STAT4: variants seen among roughly 807,000 people sequenced by gnomAD.
The protein encoded by STAT4 is signal transducer and activator of transcription 4.
In STAT4, 42 loss-of-function variants were observed where a neutral mutation model predicts 110.5. That is an observed-to-expected ratio of 0.38 (90% CI 0.30 to 0.49). STAT4 has a LOEUF of 0.49. STAT4 is among the 20% of genes least tolerant of loss of function. STAT4 has a pLI of 0.95. For synonymous variants in STAT4, 284 were observed against 302.2 expected (o/e 0.94, Z 0.63); for missense variants, 632 against 887.9 (o/e 0.71, Z 3.66).
chr2:191,029,960 A>G lies in STAT4; in HGVS notation c.2221-94T>C, dbSNP rs1695840166. On this transcript the variant is annotated intron_variant, in intron 23 of 23. Coordinates refer to ENST00000392320, the MANE Select transcript of STAT4 (RefSeq NM_003151.4). This position sits in a 1 kb window ranked among gnomAD's most constrained non-coding sequence, Gnocchi z 4.5. ...CAAATAAACGTCCTCTTTTCTACGA[A>G]TTACTCCATAATTTTTCTATTACCT... is the stretch of plus-strand genomic sequence containing the variant. 5.1e-6 allele frequency: 5 copies of G among 971,340 alleles called. No homozygotes were observed. Among genetic ancestry groups the G allele is most frequent in the Non-Finnish European group, 6.2e-6 (4 of 640,376 alleles). The allele number at this position is 971,340 out of a possible 1,614,324, so 60.2% of individuals were successfully genotyped here.
In STAT4 at chr2:191,081,824, T is replaced by A. The variant is rs1346190126; in HGVS notation, c.274-5499A>T. Among the ~76,000 whole-genome samples, 3 of 152,200 alleles carry A rather than the reference T, an allele frequency of 2.0e-5. No individual in the cohort carries two copies. In the East Asian group the frequency reaches 5.8e-4, roughly 29 times the overall value. On this transcript the variant is annotated intron_variant, in intron 3 of 23. Transcript: ENST00000392320. ...ATCCTGGACTCCTTGAAGTTCCATTTGTATTGGCAGTATGATTTTAAGTCT... is the reference window on the plus strand; with the variant it reads ...ATCCTGGACTCCTTGAAGTTCCATTAGTATTGGCAGTATGATTTTAAGTCT...
intron 3 of STAT4, among the ~76,000 whole-genome samples, chr2:191,134,416 C>A (rs776348194): frequency 2.6e-5 from 4 of 152,086 alleles, no homozygotes; most frequent in Non-Finnish European, 5.9e-5. Flanking sequence ...AACACTGGTG[C>A]CAGCATACTC....
In STAT4 at chr2:191,039,235, G is replaced by A. The variant is rs200929981; in HGVS notation, c.1398C>T (p.Ser466=). The change falls in exon 16 of 24, where the codon TCC becomes TCT. Residue 466 remains serine (S), a synonymous_variant. Coordinates refer to ENST00000392320, the MANE Select transcript of STAT4 (RefSeq NM_003151.4). The surrounding 1 kb of genome is among the most constrained non-coding windows in gnomAD (Gnocchi z 4.7). ...NVSQLPNAWA[S]IIWYNVSTND... Reference sequence around the variant, plus strand: ...TGGTTGACACGTTGTACCAAATGATGGATGCCCAAGCATTAGGTAACTGAC... The same window carrying A: ...TGGTTGACACGTTGTACCAAATGATAGATGCCCAAGCATTAGGTAACTGAC... The A allele has an allele frequency of 1.2e-6, 2 of 1,614,196 alleles. No homozygotes were observed. Among genetic ancestry groups the A allele is most frequent in the African/African-American group, 2.7e-5 (2 of 75,056 alleles).
intron 3 of STAT4, among the ~76,000 whole-genome samples, chr2:191,134,302 C>T (rs537754796): frequency 5.3e-5 from 8 of 152,318 alleles, no homozygotes; most frequent in African/African-American, 1.7e-4. Flanking sequence ...ATACTGCCTG[C>T]CCGGGGGTCC....
chr2:191,032,842 G>A lies in STAT4; in HGVS notation c.2044+116C>T. On this transcript the variant is annotated intron_variant, in intron 21 of 23. Coordinates refer to ENST00000392320, the MANE Select transcript of STAT4 (RefSeq NM_003151.4). This position sits in a 1 kb window ranked among gnomAD's most constrained non-coding sequence, Gnocchi z 4.9. ...AGGCTTTGACCTCCACATGCCCTTA[G>A]ATCTTACAGAAATCAGAGTAAACAA... The A allele has an allele frequency of 9.0e-7, 1 of 1,107,446 alleles. No homozygotes were observed. The highest frequency in any genetic ancestry group is 1.3e-6 in the Non-Finnish European group (1 of 781,320). The allele number at this position is 1,107,446 out of a possible 1,614,324, so 68.6% of individuals were successfully genotyped here.
chr2:191,142,957 C>A lies in STAT4; in HGVS notation c.273+3656G>T, dbSNP rs1025730805. 6.6e-6 allele frequency among the ~76,000 whole-genome samples: 1 copy of A among 152,046 alleles called. No individual in the cohort carries two copies. The highest frequency in any genetic ancestry group is 1.5e-5 in the Non-Finnish European group (1 of 68,000). On this transcript the variant is annotated intron_variant, in intron 3 of 23. Transcript: ENST00000392320. The surrounding 1 kb of genome is among the most constrained non-coding windows in gnomAD (Gnocchi z 4.1). ...AAATTATACAACACAAGGAGTGAAT[C>A]TTAATGTAGTCTTGAAATGTAAGTT...
In STAT4 at chr2:191,031,507, G is replaced by A; in HGVS notation, c.2054C>T (p.Pro685Leu). ...ATAACCTTTGTCACCCCTTTCTGTT[G>A]GTCTTGAAACTGGAAAACAAAAAGG... ...YSSQPCEVSR[P>L]TERGDKGYVP... Residue 685 changes from proline (P) to leucine (L), a missense_variant, in exon 22 of 24, where the codon CCA becomes CTA. This residue lies in a region of STAT4 where 38 missense variants were observed against 33.2 expected (regional missense o/e 1.15). Transcript: ENST00000392320. The surrounding 1 kb of genome is among the most constrained non-coding windows in gnomAD (Gnocchi z 4.8). 6.2e-7 allele frequency: 1 copy of A among 1,612,384 alleles called. No homozygotes were observed. Among genetic ancestry groups the A allele is most frequent in the Non-Finnish European group, 8.5e-7 (1 of 1,179,196 alleles).
At chr2:191,044,585 C>A (rs570605453) in intron 14 of STAT4, among the ~76,000 whole-genome samples, 1 of 152,040 alleles carries the variant, frequency 6.6e-6, no homozygotes, top group Non-Finnish European at 1.5e-5. Context: ...ATGAACCCAG[C>A]CAGGAGAAGG....
chr2:191,106,010 G>C (rs1264711196), intron 3 of STAT4, among the ~76,000 whole-genome samples: 1 of 152,172 alleles, frequency 6.6e-6, no homozygotes. Flanking sequence ...AAGAACAGGG[G>C]CTGAAGAGGG....
At chr2:191,076,381 CATA>C in intron 3 of STAT4, 56 bp from the exon 4 acceptor site, 1 of 1,285,236 alleles carries the variant, frequency 7.8e-7, no homozygotes, top group Non-Finnish European at 1.1e-6. Context: ...ATATATGTAT[CATA>C]AGAAAATATC....
intron 6 of STAT4, chr2:191,068,598 T>C (rs534423090): frequency 1.3e-5 from 2 of 152,290 alleles, no homozygotes; most frequent in Admixed American, 1.3e-4. Context: ...GATGATTCTG[T>C]AAATGGAAAG....
rs1052426066 is a variant in STAT4 at position 191,142,834 on chromosome 2, A to G, written c.273+3779T>C. On this transcript the variant is annotated intron_variant, in intron 3 of 23. Coordinates refer to ENST00000392320, the MANE Select transcript of STAT4 (RefSeq NM_003151.4). This position sits in a 1 kb window ranked among gnomAD's most constrained non-coding sequence, Gnocchi z 4.1. ...CTCCGTGGGAAGCGAGAGAAGGATG[A>G]ATATTGGAGAGGACAGGAGATTTTC... Among the ~76,000 whole-genome samples, 3 of 152,156 alleles carry G rather than the reference A, an allele frequency of 2.0e-5. No homozygotes were observed. The highest frequency in any genetic ancestry group is 7.2e-5 in the African/African-American group (3 of 41,442).
At position 191,107,941 on chromosome 2, in the gene STAT4, A is replaced by C. The variant is rs936826853; in HGVS notation, c.274-31616T>G. Among the ~76,000 whole-genome samples the C allele has an allele frequency of 6.6e-6, 1 of 152,168 alleles. No individual in the cohort carries two copies. Among genetic ancestry groups the C allele is most frequent in the Non-Finnish European group, 1.5e-5 (1 of 68,044 alleles). ...TTTACAAAATGGAGTAATTTTCATG[A>C]TCTCTGAAAACTATTACTATAATCC... is the stretch of plus-strand genomic sequence containing the variant. On this transcript the variant is annotated intron_variant, in intron 3 of 23. Transcript: ENST00000392320. The surrounding 1 kb of genome is among the most constrained non-coding windows in gnomAD (Gnocchi z 4.2).
chr2:191,132,389 G>A (rs1699060885), intron 3 of STAT4, among the ~76,000 whole-genome samples: 1 of 151,828 alleles, frequency 6.6e-6, no homozygotes, highest in Non-Finnish European at 1.5e-5. Flanking sequence ...AAGCATGAAC[G>A]TCCTCAAAGA....
Position 191,099,783 on chromosome 2 carries a change from A to C in STAT4, c.274-23458T>G, listed in dbSNP as rs1257504990. 6.6e-6 allele frequency among the ~76,000 whole-genome samples: 1 copy of C among 151,818 alleles called. No individual in the cohort carries two copies. Among genetic ancestry groups the C allele is most frequent in the African/African-American group, 2.4e-5 (1 of 41,338 alleles). ...GGTAGTGGTGTGGATGGAGGTAAGG[A>C]AAAAAGAAGTGGGATAAAAAGAAGT... On this transcript the variant is annotated intron_variant, in intron 3 of 23. Transcript: ENST00000392320. This position sits in a 1 kb window ranked among gnomAD's most constrained non-coding sequence, Gnocchi z 4.1.
chr2:191,151,573 C>G, upstream of STAT4: 1 of 985,638 alleles, frequency 1.0e-6, no homozygotes, highest in Non-Finnish European at 1.2e-6. The surrounding 1 kb of genome is among the most constrained non-coding windows in gnomAD (Gnocchi z 4.7). Context: ...CCTCCTCCTA[C>G]TCTCCTTGAG....
At chr2:191,044,497 C>T (rs1696291555) in intron 14 of STAT4, among the ~76,000 whole-genome samples, 1 of 152,070 alleles carries the variant, frequency 6.6e-6, no homozygotes, top group South Asian at 2.1e-4. Context: ...AATTTGGCTC[C>T]CTAGTACTTT....
chr2:191,058,372 A>G lies in STAT4; in HGVS notation c.1095-153T>C, dbSNP rs542175929. On this transcript the variant is annotated intron_variant, in intron 11 of 23. Coordinates refer to ENST00000392320, the MANE Select transcript of STAT4 (RefSeq NM_003151.4). This position sits in a 1 kb window ranked among gnomAD's most constrained non-coding sequence, Gnocchi z 4.3. ...GAGTGCAGTGGTGCAATCTTGGCTC[A>G]CTACAACCTCTGCCCCCTGGGTTCA... Among the ~76,000 whole-genome samples, 17 of 152,236 alleles carry G rather than the reference A, an allele frequency of 1.1e-4. No individual in the cohort carries two copies. The highest frequency in any genetic ancestry group is 1.2e-4 in the Non-Finnish European group (8 of 68,014).
rs989268788 is a variant in STAT4, at chr2:191,032,696, A to G, written c.2044+262T>C. ...CAAAGGAGAAAACTGAAGCTCTCCA[A>G]GTGGCTATGAGAGGCCCCCATGGCC... On this transcript the variant is annotated intron_variant, in intron 21 of 23. Transcript: ENST00000392320. The surrounding 1 kb of genome is among the most constrained non-coding windows in gnomAD (Gnocchi z 4.9). 2.0e-5 allele frequency among the ~76,000 whole-genome samples: 3 copies of G among 152,152 alleles called. No homozygotes were observed. Among genetic ancestry groups the G allele is most frequent in the African/African-American group, 2.4e-5 (1 of 41,442 alleles).
Sources: gnomAD v4.1 joint callset for allele counts (sites outside exome capture counted in the v4.1 genomes callset) on GRCh38, gnomAD v4.1.1 for gene constraint, gnomAD v4.1.1 regional missense constraint, Gnocchi (gnomAD v3.1) non-coding constraint, MANE v1.5 for transcripts, NCBI Gene and HGNC (gene_info 2026-07-23, HGNC 2026-07-21) for gene names.